LAMA1: variants seen among roughly 807,000 people sequenced by gnomAD.
The protein encoded by LAMA1 is laminin subunit alpha-1.
In LAMA1, 219 loss-of-function variants were observed where a neutral mutation model predicts 348.7. That is an observed-to-expected ratio of 0.63 (90% CI 0.56 to 0.70). LAMA1 has a LOEUF of 0.70. Among genes scored for constraint, LAMA1 ranks in the 30% least tolerant of loss-of-function variants. The pLI is 0.00. For missense variants in LAMA1, 3,744 were observed against 3,888.0 expected (o/e 0.96, Z 0.99); for synonymous variants, 1,487 against 1,491.0 (o/e 1.00, Z 0.06).
intron 6 of LAMA1, 59 bp downstream of exon 6, chr18:7,046,219 T>C: frequency 9.1e-7 from 1 of 1,103,032 alleles, no homozygotes; most frequent in Non-Finnish European, 1.4e-6. Flanking sequence ...GTAATGCAAA[T>C]ATTATAGCTA....
chr18:7,067,148 A>G (rs1210042378), intron 3 of LAMA1, among the ~76,000 whole-genome samples: 6 of 152,170 alleles, frequency 3.9e-5, no homozygotes, highest in African/African-American at 1.4e-4. Context: ...CACAGGATAT[A>G]AACAATGGGT....
chr18:7,085,865 T>C (rs2058215193), intron 1 of LAMA1, among the ~76,000 whole-genome samples: 1 of 152,194 alleles, frequency 6.6e-6, no homozygotes, highest in Non-Finnish European at 1.5e-5. Flanking sequence ...ACAGCACCTC[T>C]AACAACTACA....
chr18:7,069,786 C>T (rs572375844), intron 3 of LAMA1, among the ~76,000 whole-genome samples: 11 of 152,044 alleles, frequency 7.2e-5, no homozygotes, highest in African/African-American at 2.7e-4. Flanking sequence ...ACCCTCTTCC[C>T]CAGCTGCCCC....
At chr18:7,009,524 T>A (rs774221277) in intron 26 of LAMA1, among the ~76,000 whole-genome samples, 158 bp from the exon 27 acceptor site, 11 of 152,150 alleles carry the variant, frequency 7.2e-5, no homozygotes, top group Non-Finnish European at 1.6e-4. Context: ...GAAACCTCCA[T>A]GGACAGGCGC....
At chr18:6,955,192 T>G in intron 57 of LAMA1, 161 bp downstream of exon 57, 1 of 672,612 alleles carries the variant, frequency 1.5e-6, no homozygotes, top group Admixed American at 2.1e-5. Flanking sequence ...GCGTTGTGAT[T>G]TGCACCAACA....
Position 7,010,210 on chromosome 18 carries a change from G to T in LAMA1, c.3863C>A (p.Ala1288Glu). The T allele has an allele frequency of 6.2e-7, 1 of 1,614,046 alleles. No homozygotes were observed. Among genetic ancestry groups the T allele is most frequent in the Non-Finnish European group, 8.5e-7 (1 of 1,179,980 alleles). ...AGATCCCATTATCACCTCTCTCATT[G>T]CTACTTCTTGTTCCTGTCTCACTCC... ...ENGVRQEQEVAMRENFWKYFN... is the reference protein window; with the variant it reads ...ENGVRQEQEVEMRENFWKYFN... Residue 1288 changes from alanine (A) to glutamate (E), a missense_variant, in exon 26 of 63, where the codon GCA becomes GAA. Ala to Glu is a moderately radical substitution (Grantham distance 107, BLOSUM62 -1). Transcript: ENST00000389658.
chr18:7,078,609 C>T (rs2058180592), intron 3 of LAMA1, among the ~76,000 whole-genome samples: 1 of 152,212 alleles, frequency 6.6e-6, no homozygotes, highest in Non-Finnish European at 1.5e-5. Flanking sequence ...CTGAGCTGCA[C>T]ATCTTGCTAC....
At position 7,049,274 on chromosome 18, in the gene LAMA1, C is replaced by A. The variant is rs1245833003; in HGVS notation, c.589-17G>T. The A allele has an allele frequency of 6.2e-7, 1 of 1,600,592 alleles. No homozygotes were observed. The highest frequency in any genetic ancestry group is 1.7e-5 in the Admixed American group (1 of 59,934). Reference sequence around the variant, plus strand: ...TGTATGAATCTGAAGATGAAGGCATCAAAATAGATGAATGTCAATTGTTTA... The same window carrying A: ...TGTATGAATCTGAAGATGAAGGCATAAAAATAGATGAATGTCAATTGTTTA... On this transcript the variant is annotated splice_polypyrimidine_tract_variant and intron_variant, in intron 4 of 62. Transcript: ENST00000389658.
chr18:7,025,300 C>T (rs899743614), intron 17 of LAMA1, among the ~76,000 whole-genome samples: 1 of 152,196 alleles, frequency 6.6e-6, no homozygotes, highest in South Asian at 2.1e-4. Context: ...GCACGCCCAG[C>T]TCCATCTGCC....
intron 16 of LAMA1, among the ~76,000 whole-genome samples, chr18:7,026,539 C>A (rs1273686268): frequency 6.6e-6 from 1 of 152,162 alleles, no homozygotes; most frequent in East Asian, 1.9e-4. Flanking sequence ...CAACACCTTG[C>A]CTGTGTAATC....
At chr18:6,991,415 G>A (rs1410246265) in intron 36 of LAMA1, among the ~76,000 whole-genome samples, 1 of 136,046 alleles carries the variant, frequency 7.4e-6, no homozygotes, top group Non-Finnish European at 1.5e-5. Flanking sequence ...TTTTGAGACG[G>A]AGTCTTGCTC....
intron 19 of LAMA1, among the ~76,000 whole-genome samples, chr18:7,022,370 C>T (rs1406544857): frequency 6.6e-6 from 1 of 152,170 alleles, no homozygotes; most frequent in Non-Finnish European, 1.5e-5. Flanking sequence ...GGTATGATAG[C>T]CAGTCAAGGT....
At chr18:7,056,327 T>A (rs2058081797) in intron 3 of LAMA1, among the ~76,000 whole-genome samples, 2 of 152,100 alleles carry the variant, frequency 1.3e-5, no homozygotes, top group African/African-American at 4.8e-5. Flanking sequence ...GAAGGCAAGG[T>A]CATTTACAAA....
chr18:6,991,800 A>C (rs1046020530), intron 36 of LAMA1, among the ~76,000 whole-genome samples: 2 of 152,252 alleles, frequency 1.3e-5, no homozygotes, highest in African/African-American at 4.8e-5. Context: ...AAAAGATATA[A>C]AACATTTGAA....
Position 7,011,448 on chromosome 18 carries a change from C to T in LAMA1, c.3539G>A (p.Arg1180His), listed in dbSNP as rs543432434. 80 of 1,608,148 alleles carry T rather than the reference C, an allele frequency of 5.0e-5. No individual in the cohort carries two copies. The highest frequency in any genetic ancestry group is 5.8e-5 in the Non-Finnish European group (68 of 1,177,616). ...VTLGSDQPLL[R>H]VVSQSNLRGT... Reference sequence around the variant, plus strand: ...CCTCAAGTTACTCTGAGAAACCACACGCAGAAGAGGCTGATCGGAGCCCAG... The same window carrying T: ...CCTCAAGTTACTCTGAGAAACCACATGCAGAAGAGGCTGATCGGAGCCCAG... Residue 1180 changes from arginine (R) to histidine (H), a missense_variant, in exon 25 of 63, where the codon CGT (arginine) becomes CAT (histidine). Physicochemically the swap from Arg to His is conservative, Grantham distance 29. Transcript: ENST00000389658.
intron 57 of LAMA1, among the ~76,000 whole-genome samples, chr18:6,951,778 G>A (rs929672494): frequency 6.6e-6 from 1 of 152,206 alleles, no homozygotes; most frequent in Non-Finnish European, 1.5e-5. Context: ...CGTTCTGGAG[G>A]AAGAAGCAAC....
At chr18:7,007,913 T>TTTTATTTATTTATTTA (rs58519890) in intron 28 of LAMA1, among the ~76,000 whole-genome samples, 17 of 136,828 alleles carry the variant, frequency 1.2e-4, no homozygotes, top group East Asian at 4.0e-4. Context: ...ATTACTCCAC[T>TTTTATTTATTTATTTA]TTTATTTATT....
intron 3 of LAMA1, among the ~76,000 whole-genome samples, chr18:7,064,155 AT>A (rs200073056): frequency 0.014 from 2,183 of 151,416 alleles, 46 homozygotes; most frequent in African/African-American, 0.05. Flanking sequence ...TGTATTGTGG[AT>A]TTTTTTTTGT....
intron 1 of LAMA1, among the ~76,000 whole-genome samples, chr18:7,110,948 T>C (rs1406909314): frequency 1.4e-5 from 2 of 147,388 alleles, no homozygotes; most frequent in Non-Finnish European, 3.0e-5. Context: ...AATTTAAGCA[T>C]CTTCTTTAAC....
Sources: gnomAD v4.1 joint callset for allele counts (sites outside exome capture counted in the v4.1 genomes callset) on GRCh38, gnomAD v4.1.1 for gene constraint, MANE v1.5 for transcripts, NCBI Gene and HGNC (gene_info 2026-07-23, HGNC 2026-07-21) for gene names.